Variants in CRIM1 observed in about 807,000 individuals in gnomAD.
The protein encoded by CRIM1 is cysteine rich transmembrane BMP regulator 1.
A neutral mutation model predicts 116.4 loss-of-function variants in CRIM1; 32 were observed. That is an observed-to-expected ratio of 0.27 (90% confidence interval 0.21 to 0.37). CRIM1 has a LOEUF of 0.37. CRIM1 is among the 10% of genes least tolerant of loss of function. The pLI, the probability that CRIM1 is intolerant of heterozygous loss-of-function variation, is 1.00. For missense variants in CRIM1, 1,331 were observed against 1,354.8 expected (o/e 0.98, Z 0.28); for synonymous variants, 590 against 509.2 (o/e 1.16, Z -2.13).
chr2:36,531,033 A>G (rs1225997729), intron 13 of CRIM1, among the ~76,000 whole-genome samples: 1 of 152,198 alleles, frequency 6.6e-6, no homozygotes, highest in East Asian at 1.9e-4. Flanking sequence ...TGCCCCCGTT[A>G]TAGTACTGTG....
chr2:36,445,092 C>A (rs1317428187), intron 4 of CRIM1, among the ~76,000 whole-genome samples: 2 of 152,138 alleles, frequency 1.3e-5, no homozygotes, highest in Non-Finnish European at 2.9e-5. Flanking sequence ...AATGTGTCAG[C>A]CCACATCTGT....
intron 4 of CRIM1, among the ~76,000 whole-genome samples, chr2:36,458,950 T>G (rs1677364072): frequency 6.6e-6 from 1 of 152,218 alleles, no homozygotes; most frequent in South Asian, 2.1e-4. Context: ...TTTCTGTTCT[T>G]TTCTTCCCTC....
intron 4 of CRIM1, among the ~76,000 whole-genome samples, chr2:36,455,011 A>G (rs1677028779): frequency 6.6e-6 from 1 of 152,222 alleles, no homozygotes; most frequent in Admixed American, 6.5e-5. Flanking sequence ...AGGTACAGTC[A>G]GGAGGAGGTT....
intron 13 of CRIM1, among the ~76,000 whole-genome samples, chr2:36,528,152 T>C (rs558007835): frequency 6.6e-6 from 1 of 152,382 alleles, no homozygotes; most frequent in South Asian, 2.1e-4. Flanking sequence ...GTAACACAGA[T>C]TGCAGCTGAT....
intron 1 of CRIM1, among the ~76,000 whole-genome samples, chr2:36,393,152 A>C (rs747278319): frequency 5.9e-5 from 9 of 152,204 alleles, no homozygotes; most frequent in Non-Finnish European, 8.8e-5. Context: ...AGGACTGTTG[A>C]TGCCAGCCAG....
intron 1 of CRIM1, among the ~76,000 whole-genome samples, chr2:36,376,286 T>A (rs1670312301): frequency 6.6e-6 from 1 of 152,244 alleles, no homozygotes; most frequent in South Asian, 2.1e-4. Context: ...TGATTATAAA[T>A]GTTTAAATTC....
chr2:36,373,589 A>G (rs911431248), intron 1 of CRIM1, among the ~76,000 whole-genome samples: 1 of 152,200 alleles, frequency 6.6e-6, no homozygotes, highest in African/African-American at 2.4e-5. Context: ...CCGATGGGGC[A>G]TTTTGAGAGG....
intron 2 of CRIM1, among the ~76,000 whole-genome samples, chr2:36,422,656 G>C (rs1018019871): frequency 6.6e-6 from 1 of 152,088 alleles, no homozygotes; most frequent in Non-Finnish European, 1.5e-5. Flanking sequence ...CGATTCTTGA[G>C]GTAGAAAAAT....
intron 2 of CRIM1, among the ~76,000 whole-genome samples, chr2:36,404,201 A>T (rs781256518): frequency 2.4e-4 from 36 of 152,296 alleles, no homozygotes; most frequent in South Asian, 6.2e-4. Context: ...CTAAAACACA[A>T]TTGCCAGTGC....
At chr2:36,548,437 A>T (rs994545408) in intron 16 of CRIM1, 88 bp from the exon 17 acceptor site, 1 of 951,148 alleles carries the variant, frequency 1.1e-6, no homozygotes, top group African/African-American at 1.7e-5. Context: ...CTGTTATCTC[A>T]CCTGAGTTAG....
intron 4 of CRIM1, among the ~76,000 whole-genome samples, chr2:36,451,299 G>GCA (rs140198310): frequency 6.1e-4 from 92 of 151,396 alleles, no homozygotes; most frequent in African/African-American, 1.7e-3. Flanking sequence ...CACACAACAT[G>GCA]CACACACACA....
intron 2 of CRIM1, among the ~76,000 whole-genome samples, chr2:36,427,043 A>T (rs1674508610): frequency 6.6e-6 from 1 of 152,118 alleles, no homozygotes; most frequent in African/African-American, 2.4e-5. Flanking sequence ...TCTGCTAAAA[A>T]TACAAAAATT....
rs866267256 is a variant in CRIM1, at chr2:36,356,688, C to G, written c.331+65C>G. On this transcript the variant is annotated intron_variant, in intron 1 of 16. Coordinates refer to ENST00000280527, the MANE Select transcript of CRIM1 (RefSeq NM_016441.3). The surrounding 1 kb of genome is among the most constrained non-coding windows in gnomAD (Gnocchi z 4.3). ...CGCCGCCCCCTCGGCGCTGGTTGTGCCGAACAAAGTTTGGGCGAGACTTTC... is the reference window on the plus strand; with the variant it reads ...CGCCGCCCCCTCGGCGCTGGTTGTGGCGAACAAAGTTTGGGCGAGACTTTC... 32 of 1,491,782 alleles carry G rather than the reference C, an allele frequency of 2.1e-5. No individual in the cohort carries two copies. The African/African-American group carries it at 2.6e-4, about 12-fold the overall frequency. The allele number at this position is 1,491,782 out of a possible 1,614,324, so 92.4% of individuals were successfully genotyped here.
chr2:36,431,664 C>G (rs1172354771), intron 2 of CRIM1, among the ~76,000 whole-genome samples: 1 of 152,138 alleles, frequency 6.6e-6, no homozygotes, highest in Non-Finnish European at 1.5e-5. Flanking sequence ...ACATGACTGG[C>G]TGCTCCTTTA....
In CRIM1 at chr2:36,550,884, A is replaced by G. The variant is rs567520958; in HGVS notation, c.*2183A>G. On this transcript the variant is annotated 3_prime_UTR_variant, in exon 17 of 17. Coordinates refer to ENST00000280527, the MANE Select transcript of CRIM1 (RefSeq NM_016441.3). ...TGAAAATACTAACAGGATATAGGAC[A>G]AGGTGTAAATTTTTTTATTATTATT... 7.8e-4 allele frequency: 119 copies of G among 152,640 alleles called. No homozygotes were observed. The highest frequency in any genetic ancestry group is 2.7e-3 in the African/African-American group (112 of 41,558). The allele number at this position is 152,640 out of a possible 1,614,324, so 9.5% of individuals were successfully genotyped here.
At chr2:36,359,782 A>T (rs1232660037) in intron 1 of CRIM1, among the ~76,000 whole-genome samples, 1 of 152,156 alleles carries the variant, frequency 6.6e-6, no homozygotes, top group African/African-American at 2.4e-5. Flanking sequence ...AAAAATGAGC[A>T]TGGAGCCTGA....
intron 1 of CRIM1, among the ~76,000 whole-genome samples, chr2:36,381,370 G>T (rs1228280444): frequency 6.6e-6 from 1 of 152,224 alleles, no homozygotes; most frequent in Non-Finnish European, 1.5e-5. Flanking sequence ...CAGGGAGCCG[G>T]CAGGTTTCCT....
In CRIM1 at chr2:36,366,006, G is replaced by A. The variant is rs3732074; in HGVS notation, c.331+9383G>A. Among the ~76,000 whole-genome samples, 70 of 152,270 alleles carry A rather than the reference G, an allele frequency of 4.6e-4. 2 individuals carry two copies. In the East Asian group the frequency reaches 0.011, roughly 24 times the overall value. On this transcript the variant is annotated intron_variant, in intron 1 of 16. Coordinates refer to ENST00000280527, the MANE Select transcript of CRIM1 (RefSeq NM_016441.3). ...CTCCCAAAGTGCTGGGATTACAGGCGTGAGCCACCGCGCCCAGCCCAGAAC... is the reference window on the plus strand; with the variant it reads ...CTCCCAAAGTGCTGGGATTACAGGCATGAGCCACCGCGCCCAGCCCAGAAC...
intron 8 of CRIM1, among the ~76,000 whole-genome samples, chr2:36,507,239 C>G (rs1018671387): frequency 6.6e-6 from 1 of 152,186 alleles, no homozygotes; most frequent in Non-Finnish European, 1.5e-5. Context: ...GGATTTAGGA[C>G]TACCTTCCAG....
Sources: gnomAD v4.1 joint callset for allele counts (sites outside exome capture counted in the v4.1 genomes callset) on GRCh38, gnomAD v4.1.1 for gene constraint, Gnocchi (gnomAD v3.1) non-coding constraint, MANE v1.5 for transcripts, NCBI Gene and HGNC (gene_info 2026-07-23, HGNC 2026-07-21) for gene names.